The following TULP4 variants were observed in gnomAD, a reference collection of about 807,000 sequenced individuals.
The protein encoded by TULP4 is TUB like protein 4.
A neutral mutation model predicts 129.0 loss-of-function variants in TULP4; 16 were observed. The ratio of observed to expected loss-of-function variants is 0.12; its 90% CI spans 0.08 to 0.19. The LOEUF is 0.19. Among genes scored for constraint, TULP4 ranks in the 10% least tolerant of loss-of-function variants. The pLI is 1.00. For synonymous variants in TULP4, 998 were observed against 854.0 expected (o/e 1.17, Z -2.94); for missense variants, 1,842 against 2,059.1 (o/e 0.89, Z 2.04).
At chr6:158,374,928 A>G (rs1303814179) in intron 1 of TULP4, among the ~76,000 whole-genome samples, 3 of 152,194 alleles carry the variant, frequency 2.0e-5, no homozygotes, top group South Asian at 2.1e-4. Context: ...TGGACTTGCT[A>G]TGCTTACCTA....
intron 1 of TULP4, among the ~76,000 whole-genome samples, chr6:158,334,446 A>G (rs140607668): frequency 3.9e-5 from 6 of 152,348 alleles, no homozygotes; most frequent in Non-Finnish European, 8.8e-5. Flanking sequence ...TTGTAAGAAT[A>G]TGGTATATAA....
chr6:158,497,804 G>C (rs1008015712), intron 11 of TULP4, among the ~76,000 whole-genome samples: 1 of 152,320 alleles, frequency 6.6e-6, no homozygotes, highest in South Asian at 2.1e-4. Context: ...GACAAAGGAG[G>C]CCTGCTGTGC....
rs114873273 is a variant in TULP4, at chr6:158,284,368, T to C, written n.116+1990T>C. On this transcript the variant is annotated intron_variant and non_coding_transcript_variant, in intron 1 of 1. Coordinates refer to the TULP4 transcript ENST00000432358. ...GCTGAGAAACGAATCTAAATGCTTC[T>C]GAGTTGGAAGAGCCCAGGGCTGCTT... Among the ~76,000 whole-genome samples the C allele has an allele frequency of 1.5e-3, 236 of 152,322 alleles. 2 individuals are homozygous for C. The highest frequency in any genetic ancestry group is 5.1e-3 in the African/African-American group (211 of 41,570).
At chr6:158,425,619 TG>T (rs1424287237) in intron 2 of TULP4, among the ~76,000 whole-genome samples, 1 of 152,064 alleles carries the variant, frequency 6.6e-6, no homozygotes, top group African/African-American at 2.4e-5. Context: ...TGTTTTGTTT[TG>T]TTTTTTTGAG....
intron 8 of TULP4, among the ~76,000 whole-genome samples, chr6:158,483,931 T>G (rs1471731609): frequency 6.6e-6 from 1 of 151,790 alleles, no homozygotes; most frequent in East Asian, 1.9e-4. Flanking sequence ...TAGTTTTTTT[T>G]TTTTTCAGAC....
intron 1 of TULP4, among the ~76,000 whole-genome samples, chr6:158,368,692 C>T (rs1777000453): frequency 6.6e-6 from 1 of 152,180 alleles, no homozygotes; most frequent in Non-Finnish European, 1.5e-5. Context: ...ACAGATCCAT[C>T]CCAGTTATGA....
chr6:158,461,426 A>AT, intron 5 of TULP4, 137 bp from the exon 6 acceptor site: 7 of 733,796 alleles, frequency 9.5e-6, no homozygotes, highest in Non-Finnish European at 1.2e-5. Flanking sequence ...AAAAAAAAAA[A>AT]GGAAAAAACC....
At chr6:158,498,483 T>C (rs1187732298) in intron 11 of TULP4, among the ~76,000 whole-genome samples, 186 bp from the exon 12 acceptor site, 1 of 152,238 alleles carries the variant, frequency 6.6e-6, no homozygotes, top group Non-Finnish European at 1.5e-5. Context: ...GAACTGTGGC[T>C]AGTATGGTCG....
chr6:158,314,415 G>T lies in TULP4; in HGVS notation c.252+147G>T, dbSNP rs903498981. The T allele has an allele frequency of 1.1e-5, 8 of 702,400 alleles. No individual in the cohort carries two copies. In the African/African-American group the frequency reaches 2.2e-4, roughly 19 times the overall value. The allele number at this position is 702,400 out of a possible 1,614,324, so 43.5% of individuals were successfully genotyped here. On this transcript the variant is annotated intron_variant, in intron 1 of 13. Transcript: ENST00000367097. ...TGTGAGTTCTGTCTCTTATTCTCTG[G>T]CAGAAAAGATGCTAAGATGGACATA...
At position 158,452,118 on chromosome 6, in the gene TULP4, A is replaced by C. The variant is rs1420545097; in HGVS notation, c.725-16A>C. On this transcript the variant is annotated splice_polypyrimidine_tract_variant and intron_variant, in intron 4 of 13. Coordinates refer to ENST00000367097, the MANE Select transcript of TULP4 (RefSeq NM_020245.5). ...TGTGCTTCCCTCCTTTTCACTTGGC[A>C]CTTGTGTTCCTGCAGATGGTCCGGC... is the stretch of plus-strand genomic sequence containing the variant. 1.9e-6 allele frequency: 3 copies of C among 1,612,456 alleles called. No homozygotes were observed. The East Asian group carries it at 6.7e-5, about 36-fold the overall frequency.
intron 1 of TULP4, among the ~76,000 whole-genome samples, chr6:158,272,148 T>G (rs962878296): frequency 6.6e-6 from 1 of 152,144 alleles, no homozygotes; most frequent in African/African-American, 2.4e-5. Context: ...GGAGAAAGCC[T>G]TATCCACTAG....
At position 158,504,119 on chromosome 6, in the gene TULP4, G is replaced by A. The variant is rs199660698; in HGVS notation, c.4456G>A (p.Gly1486Arg). 322 of 1,607,974 alleles carry A rather than the reference G, an allele frequency of 2.0e-4. 1 individual carries two copies. The highest frequency in any genetic ancestry group is 4.7e-4 in the Admixed American group (28 of 59,084). ...CACCCAGGTCTACCAGCTGGACTTC[G>A]GGGGGCGGGTGACCCAGGAGTCCGC... Reference protein sequence around the residue: ...EATQVYQLDFGGRVTQESAKN... With the variant: ...EATQVYQLDFRGRVTQESAKN... The change falls in exon 13 of 14, where the codon GGG becomes AGG. Residue 1486 changes from glycine to arginine, a missense_variant. Around this residue, in one of 5 missense-constraint regions of TULP4, gnomAD observed 47 missense variants for 104.0 expected, o/e 0.45. Coordinates refer to ENST00000367097, the MANE Select transcript of TULP4 (RefSeq NM_020245.5).
At chr6:158,311,306 T>G (rs1779346030), upstream of TULP4, among the ~76,000 whole-genome samples, 1 of 152,150 alleles carries the variant, frequency 6.6e-6, no homozygotes, top group South Asian at 2.1e-4. Flanking sequence ...CCCAGGAGAC[T>G]GAGAGAGTCT....
rs751571771 is a variant in TULP4, at chr6:158,481,309, G to T, written c.1486+20G>T. ...AACCAGGTGGGCCCCTCACCCGAGGGACTGGGACCTTGTTCTCCTGTGGTC... is the reference window on the plus strand; with the variant it reads ...AACCAGGTGGGCCCCTCACCCGAGGTACTGGGACCTTGTTCTCCTGTGGTC... On this transcript the variant is annotated intron_variant, in intron 8 of 13. Transcript: ENST00000367097. The T allele has an allele frequency of 6.2e-7, 1 of 1,602,000 alleles. No homozygotes were observed. The highest frequency in any genetic ancestry group is 1.7e-5 in the Admixed American group (1 of 58,094).
intron 1 of TULP4, among the ~76,000 whole-genome samples, chr6:158,388,332 T>TTC (rs1718232874): frequency 3.8e-5 from 5 of 131,574 alleles, no homozygotes; most frequent in East Asian, 4.2e-4. Context: ...CTTTTTTTTT[T>TTC]TTTTTTTTTT....
Position 158,413,948 on chromosome 6 carries a change from G to T in TULP4, c.381+755G>T, listed in dbSNP as rs960411179. Among the ~76,000 whole-genome samples, 1 of 152,206 alleles carries T rather than the reference G, an allele frequency of 6.6e-6. No individual in the cohort carries two copies. The highest frequency in any genetic ancestry group is 2.4e-5 in the African/African-American group (1 of 41,448). On this transcript the variant is annotated intron_variant, in intron 2 of 13. Coordinates refer to ENST00000367097, the MANE Select transcript of TULP4 (RefSeq NM_020245.5). The surrounding 1 kb of genome is among the most constrained non-coding windows in gnomAD (Gnocchi z 4.9). ...GTTTCTTGGACTATTTTAACTCTCA[G>T]AATGATTTCCCTGTGGCTGCCTTTC...
chr6:158,449,276 C>T (rs992471801), intron 4 of TULP4, 100 bp downstream of exon 4: 2 of 1,282,802 alleles, frequency 1.6e-6, no homozygotes, highest in Middle Eastern at 2.0e-4. Flanking sequence ...GAAGGGCCGC[C>T]ACACCTACGG....
At chr6:158,337,063 C>CTTTCT (rs1474444613) in intron 1 of TULP4, among the ~76,000 whole-genome samples, 6 of 3,926 alleles carry the variant, frequency 1.5e-3, no homozygotes, top group Middle Eastern at 0.17. Context: ...TTCTTTCTTT[C>CTTTCT]TTTCTTTCTT....
intron 2 of TULP4, among the ~76,000 whole-genome samples, chr6:158,416,398 G>A (rs1307363513): frequency 2.0e-5 from 3 of 152,040 alleles, no homozygotes; most frequent in Admixed American, 2.0e-4. Context: ...GAATGATCCT[G>A]ACCGGGTGTA....
Sources: gnomAD v4.1 joint callset for allele counts (sites outside exome capture counted in the v4.1 genomes callset) on GRCh38, gnomAD v4.1.1 for gene constraint, gnomAD v4.1.1 regional missense constraint, Gnocchi (gnomAD v3.1) non-coding constraint, MANE v1.5 for transcripts, NCBI Gene and HGNC (gene_info 2026-07-23, HGNC 2026-07-21) for gene names.